Variants in SPATA17 observed in about 807,000 individuals in gnomAD.
The protein encoded by SPATA17 is spermatogenesis-associated protein 17.
Under a neutral mutation model 62.2 loss-of-function variants are expected in SPATA17, and 53 were observed. The observed-to-expected ratio is 0.85, with a 90% CI of 0.68 to 1.07. The LOEUF is 1.07. SPATA17 is among the 50% of genes least tolerant of loss of function. The pLI is 0.00. For synonymous variants in SPATA17, 146 were observed against 146.8 expected (o/e 0.99, Z 0.04); for missense variants, 466 against 425.5 (o/e 1.10, Z -0.84).
rs1364317854 is a variant in SPATA17, at chr1:217,823,956, C to T, written c.1005+22106C>T. Among the ~76,000 whole-genome samples, 3 of 151,928 alleles carry T rather than the reference C, an allele frequency of 2.0e-5. No individual in the cohort carries two copies. In the East Asian group the frequency reaches 5.8e-4, roughly 29 times the overall value. ...TTGGGTTTCCATTTTCACGGAATAA[C>T]TTTTTCCATGCCTTCACTTTCAGTT... On this transcript the variant is annotated intron_variant, in intron 9 of 10. Coordinates refer to ENST00000366933, the MANE Select transcript of SPATA17 (RefSeq NM_138796.4).
chr1:217,818,562 T>C (rs1558063575), intron 9 of SPATA17, among the ~76,000 whole-genome samples: 2 of 151,878 alleles, frequency 1.3e-5, no homozygotes, highest in Non-Finnish European at 1.5e-5. Context: ...TATAGAAAAA[T>C]TACAGTAAAA....
At chr1:217,727,247 CAATAATAAT>C (rs59885913) in intron 5 of SPATA17, among the ~76,000 whole-genome samples, 2,234 of 132,742 alleles carry the variant, frequency 0.017, 70 homozygotes, top group Admixed American at 0.083. Context: ...AACTCCGTCT[CAATAATAAT>C]AATAATAATA....
intron 9 of SPATA17, among the ~76,000 whole-genome samples, chr1:217,832,111 A>C (rs1246518064): frequency 6.6e-6 from 1 of 152,136 alleles, no homozygotes; most frequent in African/African-American, 2.4e-5. Context: ...TTGACATTTA[A>C]TATACATAAA....
At chr1:217,642,685 T>C (rs1670092639) in intron 1 of SPATA17, among the ~76,000 whole-genome samples, 2 of 152,192 alleles carry the variant, frequency 1.3e-5, no homozygotes, top group Admixed American at 6.5e-5. Context: ...GATGGTTTTA[T>C]AAGTGTCTGA....
At chr1:217,780,115 T>C (rs1259032652) in intron 7 of SPATA17, among the ~76,000 whole-genome samples, 2 of 152,070 alleles carry the variant, frequency 1.3e-5, no homozygotes, top group Non-Finnish European at 2.9e-5. Context: ...TATATAGATA[T>C]ATAAATATAG....
At chr1:217,826,220 G>A (rs1674999372) in intron 9 of SPATA17, among the ~76,000 whole-genome samples, 1 of 152,080 alleles carries the variant, frequency 6.6e-6, no homozygotes, top group African/African-American at 2.4e-5. Context: ...TCTTTTGTAT[G>A]TACAAATGGA....
intron 5 of SPATA17, among the ~76,000 whole-genome samples, chr1:217,712,791 A>G (rs925115987): frequency 6.6e-6 from 1 of 152,182 alleles, no homozygotes; most frequent in Admixed American, 6.6e-5. Flanking sequence ...AGGTGGCTCA[A>G]ATAGAGTTAC....
intron 6 of SPATA17, among the ~76,000 whole-genome samples, chr1:217,759,669 G>T (rs146103842): frequency 4.6e-5 from 7 of 152,226 alleles, no homozygotes; most frequent in Non-Finnish European, 1.0e-4. Context: ...GAGGGAGATT[G>T]TTTCATATAG....
At chr1:217,857,577 C>T (rs887358662) in intron 9 of SPATA17, among the ~76,000 whole-genome samples, 1 of 152,174 alleles carries the variant, frequency 6.6e-6, no homozygotes, top group Admixed American at 6.5e-5. Flanking sequence ...AAAAGTGACA[C>T]TGTGCAAGTG....
intron 6 of SPATA17, among the ~76,000 whole-genome samples, chr1:217,770,381 C>T (rs774142895): frequency 1.3e-5 from 2 of 152,182 alleles, no homozygotes; most frequent in Non-Finnish European, 2.9e-5. Context: ...CTTAATCATT[C>T]TTCATACCCG....
chr1:217,777,577 T>A (rs1673624060), intron 7 of SPATA17, among the ~76,000 whole-genome samples: 1 of 152,102 alleles, frequency 6.6e-6, no homozygotes, highest in Non-Finnish European at 1.5e-5. Context: ...AAGTTTTGTA[T>A]TTTTAGTAGA....
At position 217,798,915 on chromosome 1, in the gene SPATA17, G is replaced by A. The variant is rs577978847; in HGVS notation, c.873-2803G>A. Among the ~76,000 whole-genome samples the A allele has an allele frequency of 6.2e-5, 9 of 145,680 alleles. No individual in the cohort carries two copies. The South Asian group carries it at 6.5e-4, about 10-fold the overall frequency. On this transcript the variant is annotated intron_variant, in intron 8 of 10. Transcript: ENST00000366933. ...TTCTGAGACGGAGTCTCACTCTGTC[G>A]CCTAGGCTGGAGAGCAGTGGCTCGA...
intron 3 of SPATA17, among the ~76,000 whole-genome samples, chr1:217,659,350 T>C (rs1441831941): frequency 6.6e-6 from 1 of 151,956 alleles, no homozygotes; most frequent in Non-Finnish European, 1.5e-5. Flanking sequence ...GAGCATAACA[T>C]ATACAGAAAA....
At chr1:217,723,286 C>T (rs1192913272) in intron 5 of SPATA17, among the ~76,000 whole-genome samples, 1 of 152,122 alleles carries the variant, frequency 6.6e-6, no homozygotes, top group East Asian at 1.9e-4. Context: ...AGCTGAAATG[C>T]ATACCATGAA....
intron 9 of SPATA17, among the ~76,000 whole-genome samples, chr1:217,843,280 T>G (rs1675451221): frequency 6.6e-6 from 1 of 152,068 alleles, no homozygotes; most frequent in Admixed American, 6.6e-5. Context: ...ATGTTGGTAT[T>G]ATTGATACCA....
intron 9 of SPATA17, among the ~76,000 whole-genome samples, chr1:217,831,288 C>A (rs1675133225): frequency 6.6e-6 from 1 of 152,054 alleles, no homozygotes; most frequent in South Asian, 2.1e-4. Flanking sequence ...TGCCTGTAAG[C>A]AGCATTAGAG....
At chr1:217,711,784 G>A (rs1215383056) in intron 5 of SPATA17, among the ~76,000 whole-genome samples, 1 of 152,178 alleles carries the variant, frequency 6.6e-6, no homozygotes, top group Non-Finnish European at 1.5e-5. Context: ...GAAGAAGATT[G>A]GGAAGAGACT....
At chr1:217,662,572 A>G (rs1670594336) in intron 3 of SPATA17, among the ~76,000 whole-genome samples, 1 of 152,242 alleles carries the variant, frequency 6.6e-6, no homozygotes, top group South Asian at 2.1e-4. Flanking sequence ...CAATGTTTTC[A>G]TATATGATTA....
chr1:217,859,022 C>T (rs542370348), intron 9 of SPATA17, among the ~76,000 whole-genome samples: 106 of 149,210 alleles, frequency 7.1e-4, no homozygotes, highest in Admixed American at 1.4e-3. Context: ...AGCGAGACTC[C>T]GTCTCAAAAA....
Sources: allele counts gnomAD v4.1 joint callset (sites outside exome capture counted in the v4.1 genomes callset), GRCh38; gene constraint gnomAD v4.1.1; transcripts MANE v1.5; gene names NCBI Gene and HGNC (gene_info 2026-07-23, HGNC 2026-07-21).